The following MUC4 variants were observed in gnomAD, a reference collection of about 807,000 sequenced individuals.
MUC4 encodes mucin 4, cell surface associated, also known as mucin-4.
Under a neutral mutation model 257.9 loss-of-function variants are expected in MUC4, and 202 were observed. That is an observed-to-expected ratio of 0.78 (90% CI 0.70 to 0.88). The LOEUF is 0.88. Ranked by LOEUF, MUC4 falls within the 40% of genes least tolerant of loss-of-function variation. MUC4 has a pLI of 0.00. For synonymous variants in MUC4, 2,351 were observed against 2,757.1 expected, an observed-to-expected ratio of 0.85 and a Z score of 4.62; for missense variants, 5,976 against 6,513.7, an observed-to-expected ratio of 0.92 and a Z score of 2.84.
At chr3:195,756,337 A>G (rs935448857) in intron 18 of MUC4, among the ~76,000 whole-genome samples, 2 of 152,168 alleles carry the variant, frequency 1.3e-5, no homozygotes, top group African/African-American at 4.8e-5. Context: ...ACGCCCAGGG[A>G]CCCACAACCA....
Position 195,762,753 on chromosome 3 carries a change from G to T in MUC4, c.14344+102C>A, listed in dbSNP as rs1224313885. 5.3e-6 allele frequency: 6 copies of T among 1,131,016 alleles called. No individual in the cohort carries two copies. In the African/African-American group the frequency reaches 1.0e-4, roughly 19 times the overall value. The allele number at this position is 1,131,016 out of a possible 1,614,324, so 70.1% of individuals were successfully genotyped here. On this transcript the variant is annotated intron_variant, in intron 13 of 24. Transcript: ENST00000463781. ...CCGGCCCTGCACCACAACGCACCCGGCCCTGCACCGCCACGCGCCCGGCCC... is the reference window on the plus strand; with the variant it reads ...CCGGCCCTGCACCACAACGCACCCGTCCCTGCACCGCCACGCGCCCGGCCC...
rs1222692733 is a variant in MUC4 at position 195,782,765 on chromosome 3, T to C, written c.8815A>G (p.Thr2939Ala). The stretch of plus-strand genomic sequence containing the variant: ...ACAGGAAGAGGGGTGGTGTCACCTG[T>C]GGATACTGAGGAAAGGCTGGTGACA... The part of the protein sequence containing the change: ...LPVTSLSSVS[T>A]GDTTPLPVTD... Residue 2939 changes from threonine (T) to alanine (A), a missense_variant, in exon 2 of 25, where the codon ACA becomes GCA. Coordinates refer to ENST00000463781, the MANE Select transcript of MUC4 (RefSeq NM_018406.7). 22 of 1,519,766 alleles carry C rather than the reference T, an allele frequency of 1.4e-5. No individual in the cohort carries two copies. Among genetic ancestry groups the C allele is most frequent in the Admixed American group, 4.1e-5 (2 of 48,942 alleles). The allele number at this position is 1,519,766 out of a possible 1,614,324, so 94.1% of individuals were successfully genotyped here.
At position 195,780,986 on chromosome 3, in the gene MUC4, C is replaced by T. The variant is rs1329585480; in HGVS notation, c.10594G>A (p.Gly3532Ser). 43 of 1,508,654 alleles carry T rather than the reference C, an allele frequency of 2.9e-5. 3 individuals carry two copies. The highest frequency in any genetic ancestry group is 4.7e-5 in the African/African-American group (3 of 63,972). 93.5% of individuals were successfully genotyped at this position (1,508,654 alleles called of 1,614,324 possible). ...PVTDTSSVST[G>S]HATPLPVTSL... Reference sequence around the variant, plus strand: ...GTGACAGGAAGAGGCGTGGCGTGACCGGTGGATACTGAGGAAGTGTCGGTG... The same window carrying T: ...GTGACAGGAAGAGGCGTGGCGTGACTGGTGGATACTGAGGAAGTGTCGGTG... Residue 3532 changes from glycine (G) to serine (S), a missense_variant, in exon 2 of 25, where the codon GGT (glycine) becomes AGT (serine). Coordinates refer to ENST00000463781, the MANE Select transcript of MUC4 (RefSeq NM_018406.7).
Position 195,760,947 on chromosome 3 carries a change from C to G in MUC4, c.14785G>C (p.Ala4929Pro), listed in dbSNP as rs533971620. Residue 4929 changes from alanine to proline, a missense_variant, in exon 16 of 25, where the codon GCA becomes CCA. Coordinates refer to ENST00000463781, the MANE Select transcript of MUC4 (RefSeq NM_018406.7). ...CIYDTLALRN[A>P]SIGLHTREVS... is the part of the protein sequence containing the mutation. ...TCCCTCGTGTGAAGTCCGATGCTTGCGTTGCGCAGGGCCAGGGTGTCATAG... is the reference window on the plus strand; with the variant it reads ...TCCCTCGTGTGAAGTCCGATGCTTGGGTTGCGCAGGGCCAGGGTGTCATAG... 1 of 1,614,234 alleles carries G rather than the reference C, an allele frequency of 6.2e-7. No individual in the cohort carries two copies. The highest frequency in any genetic ancestry group is 1.7e-4 in the Middle Eastern group (1 of 6,060).
Position 195,778,787 on chromosome 3 carries a change from T to G in MUC4, c.12790+3A>C. The G allele has an allele frequency of 3.1e-6, 5 of 1,607,466 alleles. No individual in the cohort carries two copies. The East Asian group carries it at 6.7e-5, about 22-fold the overall frequency. On this transcript the variant is annotated splice_donor_region_variant and intron_variant, in intron 2 of 24. Transcript: ENST00000463781. ...ACATAAAGGCGAGGCAGTTGGCAGC[T>G]ACCTGGTGTTTCCATCTTCAGAGGG...
Position 195,774,276 on chromosome 3 carries a change from C to CA in MUC4, c.12972_12973insT (p.Ala4325CysfsTer32). 6.3e-7 allele frequency: 1 copy of CA among 1,588,394 alleles called. No individual in the cohort carries two copies. The highest frequency in any genetic ancestry group is 1.1e-5 in the South Asian group (1 of 87,422). ...CTCCTGACGAACTCCAGGTCCCCGG[C>CA]GCCTGCCCCATAGGGGAAGAGGGAA... On this transcript the variant is annotated frameshift_variant, in exon 4 of 25. Transcript: ENST00000463781. LOFTEE classifies it high-confidence loss of function.
Position 195,747,249 on chromosome 3 carries a change from A to G in MUC4, c.16166T>C (p.Val5389Ala). Reference sequence around the variant, plus strand: ...GGAGCAACCCCAGAAGCGCAGGACCACGAACGTCCCGACCCCCAGCAGCAA... The same window carrying G: ...GGAGCAACCCCAGAAGCGCAGGACCGCGAACGTCCCGACCCCCAGCAGCAA... ...GLLLLGVGTF[V>A]VLRFWGCSGA... Residue 5389 changes from valine to alanine, a missense_variant, in exon 25 of 25, where the codon GTG becomes GCG. Coordinates refer to ENST00000463781, the MANE Select transcript of MUC4 (RefSeq NM_018406.7). 6.2e-7 allele frequency: 1 copy of G among 1,614,278 alleles called. No individual in the cohort carries two copies. Among genetic ancestry groups the G allele is most frequent in the Non-Finnish European group, 8.5e-7 (1 of 1,180,040 alleles).
At position 195,750,576 on chromosome 3, in the gene MUC4, T is replaced by C. The variant is rs1716200880; in HGVS notation, c.15871+313A>G. The stretch of plus-strand genomic sequence containing the variant: ...CGATGGGGGTGTCCCTGTGTATGCT[T>C]AAGTGCAATGGCATTTTAAGAAAAC... On this transcript the variant is annotated intron_variant, in intron 23 of 24. Coordinates refer to ENST00000463781, the MANE Select transcript of MUC4 (RefSeq NM_018406.7). The C allele has an allele frequency of 6.4e-6, 3 of 467,118 alleles. No homozygotes were observed. In the South Asian group the frequency reaches 6.9e-5, roughly 11 times the overall value. 28.9% of individuals were successfully genotyped at this position (467,118 alleles called of 1,614,324 possible). A position where few individuals can be genotyped will look rare whatever the true frequency, so the allele number is the denominator to read the frequency against.
intron 17 of MUC4, among the ~76,000 whole-genome samples, chr3:195,758,438 T>C (rs79041098): frequency 0.021 from 3,265 of 152,274 alleles, 127 homozygotes; most frequent in African/African-American, 0.074. Context: ...CATTAGAGCC[T>C]TCCTTTAATA....
rs534053468 is a variant in MUC4, at chr3:195,789,353, A to G, written c.2227T>C (p.Ser743Pro). 1,001 of 1,613,822 alleles carry G rather than the reference A, an allele frequency of 6.2e-4. 18 individuals carry two copies. The South Asian group carries it at 9.9e-3, about 16-fold the overall frequency. The change falls in exon 2 of 25, where the codon TCT (serine) becomes CCT (proline). Residue 743 changes from serine (S) to proline (P), a missense_variant. Coordinates refer to ENST00000463781, the MANE Select transcript of MUC4 (RefSeq NM_018406.7). Reference protein sequence around the residue: ...SKTGALTLANSVVSTPGGPEG... With the variant: ...SKTGALTLANPVVSTPGGPEG... ...GGGCCCCCTGGTGTTGACACTACAGAGTTGGCCAGAGTAAGGGCACCTGTT... is the reference window on the plus strand; with the variant it reads ...GGGCCCCCTGGTGTTGACACTACAGGGTTGGCCAGAGTAAGGGCACCTGTT...
chr3:195,767,534 CCACCAT>C (rs1721030602), intron 7 of MUC4, among the ~76,000 whole-genome samples: 4 of 121,024 alleles, frequency 3.3e-5, no homozygotes, highest in South Asian at 2.5e-4. Context: ...ACCATCGCCA[CCACCAT>C]CATCACCATC....
intron 1 of MUC4, among the ~76,000 whole-genome samples, chr3:195,801,666 T>G (rs763840001): frequency 6.6e-6 from 1 of 151,966 alleles, no homozygotes; most frequent in African/African-American, 2.4e-5. Flanking sequence ...TGCCCCCACC[T>G]CACTCACTTC....
At chr3:195,791,663 C>A (rs981659551) in intron 1 of MUC4, among the ~76,000 whole-genome samples, 166 bp from the exon 2 acceptor site, 7 of 152,070 alleles carry the variant, frequency 4.6e-5, no homozygotes, top group Non-Finnish European at 1.0e-4. Flanking sequence ...CATATGGAAT[C>A]AAAAAAGAAC....
Position 195,774,054 on chromosome 3 carries a change from G to A in MUC4, c.13077+118C>T, listed in dbSNP as rs1578135933. 3 of 1,303,754 alleles carry A rather than the reference G, an allele frequency of 2.3e-6. No homozygotes were observed. The East Asian group carries it at 8.7e-5, about 38-fold the overall frequency. The allele number at this position is 1,303,754 out of a possible 1,614,324, so 80.8% of individuals were successfully genotyped here. On this transcript the variant is annotated intron_variant, in intron 4 of 24. Coordinates refer to ENST00000463781, the MANE Select transcript of MUC4 (RefSeq NM_018406.7). Reference sequence around the variant, plus strand: ...CTGACATTAAGGAGGCTGTGGGGATGGACGAGGGGCCCAGCCAAGGCTGCT... The same window carrying A: ...CTGACATTAAGGAGGCTGTGGGGATAGACGAGGGGCCCAGCCAAGGCTGCT...
At position 195,799,260 on chromosome 3, in the gene MUC4, T is replaced by TGTGTGTGTGA. The variant is rs1553889795; in HGVS notation, c.83-7764_83-7763insTCACACACAC. On this transcript the variant is annotated intron_variant, in intron 1 of 24. Transcript: ENST00000463781. ...GTGTGTGTGTGTGTGTGTGTGTGTG[T>TGTGTGTGTGA]GACACTGTGTGTGTGTGTCCCTGCC... Among the ~76,000 whole-genome samples, 810 of 149,222 alleles carry TGTGTGTGTGA rather than the reference T, an allele frequency of 5.4e-3. 38 individuals carry two copies. The East Asian group carries it at 0.1, about 19-fold the overall frequency.
In MUC4 at chr3:195,762,653, G is replaced by A. The variant is rs78404273; in HGVS notation, c.14344+202C>T. ...ACCGCCACGCACCGGGCCCTGCACC[G>A]CCACGCACCGGGCCCTGCACCACAA... On this transcript the variant is annotated intron_variant, in intron 13 of 24. Coordinates refer to ENST00000463781, the MANE Select transcript of MUC4 (RefSeq NM_018406.7). Among the ~76,000 whole-genome samples, 336 of 52,120 alleles carry A rather than the reference G, an allele frequency of 6.4e-3. 2 individuals are homozygous for A. The highest frequency in any genetic ancestry group is 0.016 in the Middle Eastern group (2 of 124). The allele number at this position is 52,120 out of a possible 152,430, so 34.2% of individuals were successfully genotyped here.
chr3:195,797,374 T>C (rs55990146), intron 1 of MUC4, among the ~76,000 whole-genome samples: 1,653 of 152,214 alleles, frequency 0.011, 35 homozygotes, highest in African/African-American at 0.038. Flanking sequence ...TAAATCACCA[T>C]ATAAACAGAA....
At chr3:195,767,573 TCACCACCACCATCACCAC>T (rs1301659840) in intron 7 of MUC4, among the ~76,000 whole-genome samples, 1 of 61,904 alleles carries the variant, frequency 1.6e-5, no homozygotes, top group Non-Finnish European at 2.9e-5. Context: ...GCCACCACCA[TCACCACCACCATCACCAC>T]CACCACCATC....
intron 10 of MUC4, 74 bp downstream of exon 10, chr3:195,764,923 G>A (rs1720098068): frequency 6.4e-7 from 1 of 1,570,656 alleles, no homozygotes; most frequent in Non-Finnish European, 8.7e-7. Context: ...GGGAAGGAAT[G>A]AGGACGAGAG....
Sources: gnomAD v4.1 joint callset for allele counts (sites outside exome capture counted in the v4.1 genomes callset) on GRCh38, gnomAD v4.1.1 for gene constraint, MANE v1.5 for transcripts, NCBI Gene and HGNC (gene_info 2026-07-23, HGNC 2026-07-21) for gene names.